The following TYMP variants were observed in gnomAD, a reference collection of about 807,000 sequenced individuals.
TYMP encodes gliostatin.
A neutral mutation model predicts 42.3 loss-of-function variants in TYMP; 46 were observed. The observed-to-expected ratio is 1.09, with a 90% CI of 0.86 to 1.39. The LOEUF is 1.39. Among genes scored for constraint, TYMP ranks in the 40% most tolerant of loss-of-function variants. TYMP has a pLI of 0.00. For synonymous variants in TYMP, 363 were observed against 308.0 expected (o/e 1.18, Z -1.87); for missense variants, 837 against 677.6 (o/e 1.24, Z -2.61).
rs2069379906 is a variant in TYMP at position 50,526,410 on chromosome 22, G to GC, written c.994dup (p.Ala332GlyfsTer?). 6.6e-7 allele frequency: 1 copy of GC among 1,512,868 alleles called. No individual in the cohort carries two copies. 93.7% of individuals were successfully genotyped at this position (1,512,868 alleles called of 1,614,324 possible). A position where few individuals can be genotyped will look rare whatever the true frequency, so the allele number is the denominator to read the frequency against. ...AAGGGCCGAGCCGTCGTCCAGCGCC[G>GC]CGGCCACCCGGGCAGCGCCCTGGGC... On this transcript the variant is annotated frameshift_variant, in exon 8 of 10. Coordinates refer to ENST00000252029, the MANE Select transcript of TYMP (RefSeq NM_001953.5). LOFTEE classifies it high-confidence loss of function.
chr22:50,526,064 C>T lies in TYMP; in HGVS notation c.1237G>A (p.Glu413Lys), dbSNP rs1037027865. The T allele has an allele frequency of 5.4e-6, 8 of 1,484,038 alleles. No homozygotes were observed. Among genetic ancestry groups the T allele is most frequent in the Non-Finnish European group, 7.1e-6 (8 of 1,125,028 alleles). 91.9% of individuals were successfully genotyped at this position (1,484,038 alleles called of 1,614,324 possible). ...ELGAGRSRAGEPLRLGVGAEL... is the reference protein window; with the variant it reads ...ELGAGRSRAGKPLRLGVGAEL... ...GCGCCCACCCCCAGGCGGAGCGGCT[C>T]CCCAGCGCGGCTGCGCCCGGCCCCG... The change falls in exon 9 of 10, where the codon GAG becomes AAG. Residue 413 changes from glutamate (E) to lysine (K), a missense_variant. Transcript: ENST00000252029.
intron 4 of TYMP, 23 bp downstream of exon 4, chr22:50,528,489 G>T (rs1172319144): frequency 1.3e-6 from 2 of 1,593,580 alleles, no homozygotes; most frequent in South Asian, 2.2e-5. Context: ...CTGGATTAAT[G>T]ACTGATCCGT....
rs774256786 is a variant in TYMP, at chr22:50,527,586, A to G, written c.646+2T>C. ...CAGAAGCAGGCCATGGAGTCAGGTC[A>G]CCTGTGATGAGTGGCAGGCTGTCCA... On this transcript the variant is annotated splice_donor_variant, in intron 5 of 9. Coordinates refer to ENST00000252029, the MANE Select transcript of TYMP (RefSeq NM_001953.5). LOFTEE classifies it high-confidence loss of function. 1 of 1,613,950 alleles carries G rather than the reference A, an allele frequency of 6.2e-7. No individual in the cohort carries two copies. Among genetic ancestry groups the G allele is most frequent in the Non-Finnish European group, 8.5e-7 (1 of 1,180,016 alleles).
At position 50,527,177 on chromosome 22, in the gene TYMP, C is replaced by G. The variant is rs751870619; in HGVS notation, c.753G>C (p.Leu251=). The G allele has an allele frequency of 1.2e-6, 2 of 1,612,884 alleles. No homozygotes were observed. Among genetic ancestry groups the G allele is most frequent in the East Asian group, 4.5e-5 (2 of 44,882 alleles). Residue 251 remains leucine (L), a synonymous_variant, in exon 6 of 10, where the codon CTG becomes CTC. Transcript: ENST00000252029. ...CCACACCGCTCACCAGCGTCTTTGCCAGCTCCCGGGCCTGCTCCTGGTTGG... is the reference window on the plus strand; with the variant it reads ...CCACACCGCTCACCAGCGTCTTTGCGAGCTCCCGGGCCTGCTCCTGGTTGG... ...VFPNQEQARE[L]AKTLVGVGAS... is the part of the protein sequence containing the mutation.
rs1603441870 is a variant in TYMP at position 50,526,569 on chromosome 22, C to T, written c.928+7G>A. 4 of 1,568,162 alleles carry T rather than the reference C, an allele frequency of 2.6e-6. No individual in the cohort carries two copies. Among genetic ancestry groups the T allele is most frequent in the South Asian group, 2.3e-5 (2 of 85,688 alleles). On this transcript the variant is annotated splice_region_variant and intron_variant, in intron 7 of 9. Coordinates refer to ENST00000252029, the MANE Select transcript of TYMP (RefSeq NM_001953.5). ...GCCTCCGCTCCCCTACACCCCGTCC[C>T]CCTCACCGAGCGTGGTGACCAGGTC...
rs773643115 is a variant in TYMP, at chr22:50,526,324, A to T, written c.1081T>A (p.Cys361Ser). ...CGGCGTTCTGCGGGACTTCCCGAGC[A>T]CAGGGCTCGGGCCAGACCGGGATCC... Reference protein sequence around the residue: ...GVDPGLARALCSGSPAERRQL... With the variant: ...GVDPGLARALSSGSPAERRQL... Residue 361 changes from cysteine (C) to serine (S), a missense_variant, in exon 8 of 10, where the codon TGC becomes AGC. Physicochemically the swap from Cys to Ser is moderately radical, Grantham distance 112 (BLOSUM62 -1). Coordinates refer to ENST00000252029, the MANE Select transcript of TYMP (RefSeq NM_001953.5). The T allele has an allele frequency of 6.4e-7, 1 of 1,562,406 alleles. No homozygotes were observed. Among genetic ancestry groups the T allele is most frequent in the Admixed American group, 1.8e-5 (1 of 56,456 alleles).
In TYMP at chr22:50,529,495, C is replaced by G. The variant is rs1200609783; in HGVS notation, c.214+1G>C. Reference sequence around the variant, plus strand: ...AGGAACGCCCAACCCTCCCCACGCACCGATCTGTGCGCCCTGCGCGCTCCC... The same window carrying G: ...AGGAACGCCCAACCCTCCCCACGCAGCGATCTGTGCGCCCTGCGCGCTCCC... On this transcript the variant is annotated splice_donor_variant, in intron 2 of 9. Transcript: ENST00000252029. LOFTEE classifies it high-confidence loss of function. The G allele has an allele frequency of 1.9e-6, 3 of 1,612,462 alleles. No homozygotes were observed. The highest frequency in any genetic ancestry group is 3.3e-5 in the Admixed American group (2 of 60,008).
chr22:50,529,973 C>A lies in TYMP; in HGVS notation c.-80G>T. The A allele has an allele frequency of 1.8e-6, 1 of 566,666 alleles. No individual in the cohort carries two copies. Among genetic ancestry groups the A allele is most frequent in the Non-Finnish European group, 3.2e-6 (1 of 316,486 alleles). The allele number at this position is 566,666 out of a possible 1,614,324, so 35.1% of individuals were successfully genotyped here. Reference sequence around the variant, plus strand: ...CAGGTACCCGGCCTCGCCCGCGGGTCGGGACCGTAGGGTTCAGGGTTCGCG... The same window carrying A: ...CAGGTACCCGGCCTCGCCCGCGGGTAGGGACCGTAGGGTTCAGGGTTCGCG... On this transcript the variant is annotated 5_prime_UTR_variant, in exon 1 of 10. Coordinates refer to ENST00000252029, the MANE Select transcript of TYMP (RefSeq NM_001953.5).
intron 4 of TYMP, chr22:50,528,293 C>G: frequency 1.6e-6 from 1 of 617,562 alleles, no homozygotes; most frequent in Non-Finnish European, 3.0e-6. Context: ...GTGTGAGCCA[C>G]CGTGCCCCGC....
chr22:50,527,814 G>C lies in TYMP; in HGVS notation c.517-97C>G. The stretch of plus-strand genomic sequence containing the variant: ...TTTCTGTGAAGAGTCTTCCTCTGTT[G>C]CCCAGGCTGGAGTGCAGTTGGCACA... On this transcript the variant is annotated intron_variant, in intron 4 of 9. Coordinates refer to ENST00000252029, the MANE Select transcript of TYMP (RefSeq NM_001953.5). 3 of 1,500,316 alleles carry C rather than the reference G, an allele frequency of 2.0e-6. 1 individual carries two copies. The South Asian group carries it at 3.5e-5, about 18-fold the overall frequency. The allele number at this position is 1,500,316 out of a possible 1,614,324, so 92.9% of individuals were successfully genotyped here.
chr22:50,527,561 C>A (rs369492303), intron 5 of TYMP, 27 bp downstream of exon 5: 2 of 1,613,890 alleles, frequency 1.2e-6, no homozygotes, highest in East Asian at 4.5e-5. Context: ...TGTGAACATG[C>A]AGAAGCAGGC....
At chr22:50,528,133 T>C (rs1015994111) in intron 4 of TYMP, 14 of 386,384 alleles carry the variant, frequency 3.6e-5, no homozygotes, top group Non-Finnish European at 5.4e-5. Flanking sequence ...TGCCTCAGCC[T>C]CCTGAGTAGC....
chr22:50,526,260 A>G lies in TYMP; in HGVS notation c.1145T>C (p.Leu382Pro), dbSNP rs540744534. The G allele has an allele frequency of 1.3e-6, 2 of 1,536,332 alleles. No individual in the cohort carries two copies. Among genetic ancestry groups the G allele is most frequent in the East Asian group, 5.1e-5 (2 of 39,464 alleles). The change falls in exon 8 of 10, where the codon CTG (leucine) becomes CCG (proline). Residue 382 changes from leucine to proline, a missense_variant. Coordinates refer to ENST00000252029, the MANE Select transcript of TYMP (RefSeq NM_001953.5). ...CCGACGCTCACCATCTGCGGGCGCCAGCAGCTCCTCCTGCTCCCGGGCGCG... is the reference window on the plus strand; with the variant it reads ...CCGACGCTCACCATCTGCGGGCGCCGGCAGCTCCTCCTGCTCCCGGGCGCG... The part of the protein sequence containing the change: ...LPRAREQEEL[L>P]APADGTVELV...
rs751237117 is a variant in TYMP, at chr22:50,526,492, G to T, written c.929-16C>A. The T allele has an allele frequency of 8.6e-6, 13 of 1,513,856 alleles. No individual in the cohort carries two copies. Among genetic ancestry groups the T allele is most frequent in the African/African-American group, 1.4e-5 (1 of 71,164 alleles). 93.8% of individuals were successfully genotyped at this position (1,513,856 alleles called of 1,614,324 possible). A position where few individuals can be genotyped will look rare whatever the true frequency, so the allele number is the denominator to read the frequency against. On this transcript the variant is annotated splice_polypyrimidine_tract_variant and intron_variant, in intron 7 of 9. Transcript: ENST00000252029. ...AGGGCGCCCCCTGCGGGCGGGGACG[G>T]GTCTTAGGCGCGGCCGGGTCGGGGC... is the stretch of plus-strand genomic sequence containing the variant.
At chr22:50,527,446 A>G in intron 5 of TYMP, 142 bp downstream of exon 5, 1 of 1,381,350 alleles carries the variant, frequency 7.2e-7, no homozygotes. Context: ...GCCACCCCAC[A>G]TGGTGGTGGT....
rs773100466 is a variant in TYMP, at chr22:50,526,475, C to T, written c.930G>A (p.Gly310=). The change falls in exon 8 of 10, where the codon GGG becomes GGA. Residue 310 remains glycine, a splice_region_variant and synonymous_variant. Transcript: ENST00000252029. ...GTCCGCTGAGCCAGAGCAGGGCGCC[C>T]CCTGCGGGCGGGGACGGGTCTTAGG... ...PDLRDLVTTL[G]GALLWLSGHA... 4.0e-6 allele frequency: 6 copies of T among 1,491,328 alleles called. No individual in the cohort carries two copies. The highest frequency in any genetic ancestry group is 4.4e-6 in the Non-Finnish European group (5 of 1,128,764). The allele number at this position is 1,491,328 out of a possible 1,614,324, so 92.4% of individuals were successfully genotyped here.
rs750092332 is a variant in TYMP at position 50,526,284 on chromosome 22, C to A, written c.1121G>T (p.Arg374Leu). The part of the protein sequence containing the change: ...SPAERRQLLP[R>L]AREQEELLAP... The stretch of plus-strand genomic sequence containing the variant: ...CAGCAGCTCCTCCTGCTCCCGGGCG[C>A]GAGGCAGCAGCTGCCGGCGTTCTGC... Residue 374 changes from arginine to leucine, a missense_variant, in exon 8 of 10, where the codon CGC (arginine) becomes CTC (leucine). Physicochemically the swap from Arg to Leu is moderately radical, Grantham distance 102. Transcript: ENST00000252029. 2 of 1,547,580 alleles carry A rather than the reference C, an allele frequency of 1.3e-6. No individual in the cohort carries two copies. The highest frequency in any genetic ancestry group is 8.6e-7 in the Non-Finnish European group (1 of 1,157,392).
In TYMP at chr22:50,526,726, C is replaced by T. The variant is rs765716244; in HGVS notation, c.778G>A (p.Ala260Thr). 59 of 1,537,058 alleles carry T rather than the reference C, an allele frequency of 3.8e-5. No individual in the cohort carries two copies. The highest frequency in any genetic ancestry group is 5.1e-5 in the Non-Finnish European group (58 of 1,146,756). ...ELAKTLVGVGASLGLRVAAAL... is the reference protein window; with the variant it reads ...ELAKTLVGVGTSLGLRVAAAL... Reference sequence around the variant, plus strand: ...GCCGCGACCCGAAGCCCTAGGCTGGCTCCCACGCCAACCTGCGGAGAGGAG... The same window carrying T: ...GCCGCGACCCGAAGCCCTAGGCTGGTTCCCACGCCAACCTGCGGAGAGGAG... Residue 260 changes from alanine to threonine, a missense_variant, in exon 7 of 10, where the codon GCC becomes ACC. Transcript: ENST00000252029.
intron 3 of TYMP, 99 bp from the exon 4 acceptor site, chr22:50,528,709 A>C (rs1436148161): frequency 1.1e-5 from 11 of 986,350 alleles, no homozygotes; most frequent in African/African-American, 1.6e-5. Flanking sequence ...GGATTTGGAA[A>C]GTATTTAAGC....
Sources: allele counts gnomAD v4.1 joint callset, GRCh38; gene constraint gnomAD v4.1.1; transcripts MANE v1.5; gene names NCBI Gene and HGNC (gene_info 2026-07-23, HGNC 2026-07-21).